RNF170: variants seen among roughly 807,000 people sequenced by gnomAD.
The protein encoded by RNF170 is E3 ubiquitin-protein ligase RNF170.
A neutral mutation model predicts 32.7 loss-of-function variants in RNF170; 12 were observed. That is an observed-to-expected ratio of 0.37 (90% CI 0.24 to 0.60). RNF170 has a LOEUF of 0.60. RNF170 is among the 20% of genes least tolerant of loss of function. RNF170 has a pLI of 0.72. For missense variants in RNF170, 212 were observed against 311.2 expected (o/e 0.68, Z 2.40); for synonymous variants, 91 against 103.6 (o/e 0.88, Z 0.74).
rs751809641 is a variant in RNF170 at position 42,873,977 on chromosome 8, T to C, written c.167A>G (p.Asn56Ser). Residue 56 changes from asparagine (N) to serine (S), a missense_variant, in exon 3 of 7, where the codon AAC becomes AGC. This residue lies in a region of RNF170 where 115 missense variants were observed against 132.3 expected (regional missense o/e 0.87). Coordinates refer to ENST00000527424, the MANE Select transcript of RNF170 (RefSeq NM_030954.4). ...RNVHQNIHPE[N>S]QELVRVLREQ... is the part of the protein sequence containing the mutation. ...TCGAAGTACCCTTACTAGCTCCTGG[T>C]TTTCTGGGTGAATGTTTTGATGTAC... The C allele has an allele frequency of 1.5e-5, 24 of 1,601,538 alleles. No homozygotes were observed. Among genetic ancestry groups the C allele is most frequent in the Non-Finnish European group, 2.1e-5 (24 of 1,168,842 alleles).
Position 42,855,133 on chromosome 8 carries a change from C to A in RNF170, c.*1026G>T. 7.8e-7 allele frequency: 1 copy of A among 1,286,976 alleles called. No homozygotes were observed. Among genetic ancestry groups the A allele is most frequent in the Non-Finnish European group, 1.0e-6 (1 of 988,646 alleles). The allele number at this position is 1,286,976 out of a possible 1,614,324, so 79.7% of individuals were successfully genotyped here. ...GGTTCCTAAAACAATCTTCCCTTTA[C>A]AAATTACTTTTATATCTACTACGAA... On this transcript the variant is annotated 3_prime_UTR_variant, in exon 7 of 7. Transcript: ENST00000527424.
In RNF170 at chr8:42,870,197, A is replaced by G; in HGVS notation, c.214-85T>C. 4 of 930,748 alleles carry G rather than the reference A, an allele frequency of 4.3e-6. No homozygotes were observed. The Admixed American group carries it at 7.9e-5, about 18-fold the overall frequency. The allele number at this position is 930,748 out of a possible 1,614,324, so 57.7% of individuals were successfully genotyped here. The stretch of plus-strand genomic sequence containing the variant: ...CATGTTAAATTATATTTGAGAACAG[A>G]GTCAGCAGTGTGTAACCCTCATCAA... On this transcript the variant is annotated intron_variant, in intron 3 of 6. Coordinates refer to ENST00000527424, the MANE Select transcript of RNF170 (RefSeq NM_030954.4).
Position 42,856,275 on chromosome 8 carries a change from G to A in RNF170, c.661C>T (p.Pro221Ser). The A allele has an allele frequency of 6.2e-7, 1 of 1,603,366 alleles. No homozygotes were observed. The highest frequency in any genetic ancestry group is 1.1e-5 in the South Asian group (1 of 88,914). The change falls in exon 7 of 7, where the codon CCT (proline) becomes TCT (serine). Residue 221 changes from proline to serine, a missense_variant. Physicochemically the swap from Pro to Ser is moderately conservative, Grantham distance 74. Coordinates refer to ENST00000527424, the MANE Select transcript of RNF170 (RefSeq NM_030954.4). Reference protein sequence around the residue: ...FYLISPLDFVPEALFGILGFL... With the variant: ...FYLISPLDFVSEALFGILGFL... ...CCTAGAATTCCAAACAAGGCTTCAG[G>A]TACAAAATCTAGAGGTGATATAAGA...
chr8:42,886,836 A>T (rs1805865109), intron 2 of RNF170, among the ~76,000 whole-genome samples: 1 of 152,176 alleles, frequency 6.6e-6, no homozygotes, highest in Non-Finnish European at 1.5e-5. Context: ...CAACTGGGGC[A>T]ATGTAGCGAG....
At chr8:42,856,858 A>T (rs1252941351) in intron 6 of RNF170, among the ~76,000 whole-genome samples, 1 of 152,216 alleles carries the variant, frequency 6.6e-6, no homozygotes, top group Non-Finnish European at 1.5e-5. Flanking sequence ...TGCTTAACCT[A>T]CTAGAGATAA....
intron 1 of RNF170, among the ~76,000 whole-genome samples, chr8:42,895,235 A>C (rs1806685976): frequency 6.6e-6 from 1 of 152,114 alleles, no homozygotes. Flanking sequence ...GGATCACTTG[A>C]GCCCAGGAGG....
At chr8:42,869,868 C>G in intron 4 of RNF170, 136 bp downstream of exon 4, 1 of 707,952 alleles carries the variant, frequency 1.4e-6, no homozygotes. Context: ...ACAAGTAGAG[C>G]AGGATATCAG....
intron 2 of RNF170, among the ~76,000 whole-genome samples, chr8:42,884,981 C>T (rs570094959): frequency 2.0e-5 from 3 of 151,308 alleles, no homozygotes; most frequent in South Asian, 2.1e-4. Context: ...GAATTACAGG[C>T]GCGAGCCACC....
chr8:42,885,733 T>C (rs1313043425), intron 2 of RNF170, among the ~76,000 whole-genome samples: 2 of 152,200 alleles, frequency 1.3e-5, no homozygotes, highest in Non-Finnish European at 2.9e-5. Context: ...AAGATGTCTA[T>C]ATAGGTCCTT....
At chr8:42,896,681 C>T (rs773317879), upstream of RNF170, 2 of 423,548 alleles carry the variant, frequency 4.7e-6, no homozygotes, top group South Asian at 3.2e-5. Flanking sequence ...GTCGCCGCAG[C>T]CTCCAGGGCG....
chr8:42,897,055 C>G (rs1806995488), upstream of RNF170: 2 of 1,119,180 alleles, frequency 1.8e-6, no homozygotes, highest in Non-Finnish European at 2.3e-6. Flanking sequence ...GTCAGCTGCG[C>G]GGGCCCCCGG....
chr8:42,893,419 G>A (rs1806479323), intron 1 of RNF170, among the ~76,000 whole-genome samples: 2 of 152,190 alleles, frequency 1.3e-5, no homozygotes, highest in Admixed American at 6.5e-5. Context: ...ACATCTTATT[G>A]AGCAGTATCT....
chr8:42,894,264 T>C (rs1053770790), intron 1 of RNF170, among the ~76,000 whole-genome samples: 7 of 152,228 alleles, frequency 4.6e-5, no homozygotes, highest in Admixed American at 6.5e-5. Context: ...TTTAGGTCCA[T>C]TGTGTCAAAG....
At chr8:42,868,229 T>G (rs1382863233) in intron 4 of RNF170, among the ~76,000 whole-genome samples, 1 of 152,220 alleles carries the variant, frequency 6.6e-6, no homozygotes, top group Non-Finnish European at 1.5e-5. Context: ...ACCCTGCCAT[T>G]ACATGGTATG....
chr8:42,889,271 C>G (rs1417099294), intron 1 of RNF170: 1 of 152,056 alleles, frequency 6.6e-6, no homozygotes, highest in Non-Finnish European at 1.5e-5. Context: ...ACTTTCCTTC[C>G]TACACTCTAA....
Position 42,855,295 on chromosome 8 carries a change from T to C in RNF170, c.*864A>G. The C allele has an allele frequency of 9.0e-7, 1 of 1,105,398 alleles. No homozygotes were observed. The allele number at this position is 1,105,398 out of a possible 1,614,324, so 68.5% of individuals were successfully genotyped here. On this transcript the variant is annotated 3_prime_UTR_variant, in exon 7 of 7. Transcript: ENST00000527424. ...CCCAGGCTGGAGTGCAGTGGCGCAA[T>C]CCACCTCCTGGGTTTACGCCATTCT...
intron 2 of RNF170, among the ~76,000 whole-genome samples, chr8:42,882,256 TCAAA>T (rs1310322441): frequency 4.6e-5 from 7 of 152,140 alleles, no homozygotes; most frequent in Non-Finnish European, 4.4e-5. Flanking sequence ...AAACACAGAC[TCAAA>T]CAGATACTTG....
chr8:42,855,883 C>T lies in RNF170; in HGVS notation c.*276G>A, dbSNP rs1803211285. ...GAAAAGAAAAATATATAAAAGCATC[C>T]CTTTTTATATAATTCCATATTTTTT... On this transcript the variant is annotated 3_prime_UTR_variant, in exon 7 of 7. Coordinates refer to ENST00000527424, the MANE Select transcript of RNF170 (RefSeq NM_030954.4). The T allele has an allele frequency of 8.3e-7, 1 of 1,202,646 alleles. No individual in the cohort carries two copies. The highest frequency in any genetic ancestry group is 1.1e-6 in the Non-Finnish European group (1 of 921,074). 74.5% of individuals were successfully genotyped at this position (1,202,646 alleles called of 1,614,324 possible). A position where few individuals can be genotyped will look rare whatever the true frequency, so the allele number is the denominator to read the frequency against.
intron 2 of RNF170, among the ~76,000 whole-genome samples, chr8:42,885,732 A>G (rs1014508099): frequency 6.6e-6 from 1 of 152,066 alleles, no homozygotes; most frequent in African/African-American, 2.4e-5. Flanking sequence ...AAAGATGTCT[A>G]TATAGGTCCT....
Sources: allele counts gnomAD v4.1 joint callset (sites outside exome capture counted in the v4.1 genomes callset), GRCh38; gene constraint gnomAD v4.1.1; regional missense constraint gnomAD v4.1.1; transcripts MANE v1.5; gene names NCBI Gene and HGNC (gene_info 2026-07-23, HGNC 2026-07-21).